The following FBXL17 variants were observed in gnomAD, a reference collection of about 807,000 sequenced individuals.
The protein encoded by FBXL17 is F-box/LRR-repeat protein 17.
Under a neutral mutation model 66.2 loss-of-function variants are expected in FBXL17, and 22 were observed. The ratio of observed to expected loss-of-function variants is 0.33; its 90% CI spans 0.24 to 0.47. FBXL17 has a LOEUF of 0.47. FBXL17 is among the 20% of genes least tolerant of loss of function. FBXL17 has a pLI of 1.00. For synonymous variants in FBXL17, 474 were observed against 400.5 expected, an observed-to-expected ratio of 1.18 and a Z score of -2.19; for missense variants, 878 against 948.2, an observed-to-expected ratio of 0.93 and a Z score of 0.97.
chr5:108,171,204 T>C (rs1213791483), intron 6 of FBXL17, among the ~76,000 whole-genome samples: 1 of 152,218 alleles, frequency 6.6e-6, no homozygotes, highest in African/African-American at 2.4e-5. Context: ...ATATTTATTT[T>C]ATTTAATACT....
chr5:107,987,461 G>A (rs1243619261), intron 7 of FBXL17, among the ~76,000 whole-genome samples: 2 of 151,910 alleles, frequency 1.3e-5, no homozygotes, highest in Non-Finnish European at 2.9e-5. Flanking sequence ...GAAACTTGTT[G>A]AGCTGGGTGC....
chr5:108,345,483 T>C (rs1747212378), intron 4 of FBXL17, among the ~76,000 whole-genome samples: 1 of 151,624 alleles, frequency 6.6e-6, no homozygotes. Flanking sequence ...TCCCCTTTTC[T>C]AAAGTTTATC....
chr5:108,060,603 A>G (rs1429707319), intron 6 of FBXL17, among the ~76,000 whole-genome samples: 2 of 152,148 alleles, frequency 1.3e-5, no homozygotes, highest in Non-Finnish European at 2.9e-5. Flanking sequence ...ATCTTCCTAA[A>G]GTCCCATTCA....
intron 4 of FBXL17, among the ~76,000 whole-genome samples, chr5:108,332,462 T>C (rs1760168105): frequency 6.6e-6 from 1 of 152,144 alleles, no homozygotes; most frequent in Non-Finnish European, 1.5e-5. Flanking sequence ...TTTAAACAAA[T>C]ATTCAGATTA....
intron 4 of FBXL17, among the ~76,000 whole-genome samples, chr5:108,280,021 AAG>A (rs1223927890): frequency 6.6e-6 from 1 of 152,128 alleles, no homozygotes; most frequent in Non-Finnish European, 1.5e-5. Flanking sequence ...CCTAAGGAAA[AAG>A]AGAGATCAAA....
At chr5:108,057,895 T>C (rs1561389671) in intron 6 of FBXL17, among the ~76,000 whole-genome samples, 1 of 152,220 alleles carries the variant, frequency 6.6e-6, no homozygotes. Context: ...TAATTACACA[T>C]CTGTTATTTC....
chr5:108,007,955 T>C (rs1455968795), intron 7 of FBXL17, among the ~76,000 whole-genome samples: 1 of 152,230 alleles, frequency 6.6e-6, no homozygotes, highest in Non-Finnish European at 1.5e-5. Flanking sequence ...TGTTTACATG[T>C]GCGGCACATA....
At chr5:108,182,459 G>A (rs894479843) in intron 6 of FBXL17, among the ~76,000 whole-genome samples, 2 of 152,038 alleles carry the variant, frequency 1.3e-5, no homozygotes, top group East Asian at 3.9e-4. Flanking sequence ...CTGCAAAGTG[G>A]GTTTTAATGT....
rs543888739 is a variant in FBXL17, at chr5:107,978,611, T to G, written c.1822+42314A>C. Reference sequence around the variant, plus strand: ...TGGACCTACAACTTGTGATTCAATCTGTCTATGGCCCTGACCCAGAGGCTG... The same window carrying G: ...TGGACCTACAACTTGTGATTCAATCGGTCTATGGCCCTGACCCAGAGGCTG... On this transcript the variant is annotated intron_variant, in intron 7 of 8. Coordinates refer to ENST00000542267, the MANE Select transcript of FBXL17 (RefSeq NM_001163315.3). 8.5e-5 allele frequency among the ~76,000 whole-genome samples: 13 copies of G among 152,284 alleles called. No homozygotes were observed. The South Asian group carries it at 2.7e-3, about 32-fold the overall frequency.
intron 4 of FBXL17, among the ~76,000 whole-genome samples, chr5:108,327,325 GC>G (rs1191947916): frequency 3.3e-5 from 5 of 152,034 alleles, no homozygotes; most frequent in Non-Finnish European, 7.4e-5. Flanking sequence ...CAACCCTAAA[GC>G]CTGAACTACA....
chr5:108,107,229 G>A (rs538112624), intron 6 of FBXL17, among the ~76,000 whole-genome samples: 276 of 151,858 alleles, frequency 1.8e-3, no homozygotes, highest in African/African-American at 6.3e-3. Context: ...GTGCCACCAC[G>A]CCTGGCTAAG....
rs898999184 is a variant in FBXL17 at position 108,380,982 on chromosome 5, G to A, written c.710C>T (p.Ala237Val). The A allele has an allele frequency of 4.1e-6, 5 of 1,215,010 alleles. No homozygotes were observed. The highest frequency in any genetic ancestry group is 1.6e-5 in the African/African-American group (1 of 63,484). The allele number at this position is 1,215,010 out of a possible 1,614,324, so 75.3% of individuals were successfully genotyped here. A position where few individuals can be genotyped will look rare whatever the true frequency, so the allele number is the denominator to read the frequency against. Reference sequence around the variant, plus strand: ...GGCGTCGGGGGGCCGGGGCGGCGAAGCGCCTCCCCCCGCAGGCCCTCCCCC... The same window carrying A: ...GGCGTCGGGGGGCCGGGGCGGCGAAACGCCTCCCCCCGCAGGCCCTCCCCC... The part of the protein sequence containing the change: ...GGGGGPAGGG[A>V]SPPRPPDAGC... Residue 237 changes from alanine to valine, a missense_variant, in exon 1 of 9, where the codon GCT becomes GTT. By Grantham distance (64) the Ala-to-Val change is moderately conservative. Around this residue, in one of 4 missense-constraint regions of FBXL17, gnomAD observed 605 missense variants for 509.5 expected, o/e 1.19. Coordinates refer to ENST00000542267, the MANE Select transcript of FBXL17 (RefSeq NM_001163315.3).
chr5:107,963,562 A>T (rs1423711001), intron 7 of FBXL17, among the ~76,000 whole-genome samples: 1 of 152,122 alleles, frequency 6.6e-6, no homozygotes, highest in Non-Finnish European at 1.5e-5. Flanking sequence ...GTGCTAGTGA[A>T]CTTTTCTAAA....
At chr5:107,885,326 T>C (rs749775679) in intron 7 of FBXL17, among the ~76,000 whole-genome samples, 6 of 152,208 alleles carry the variant, frequency 3.9e-5, no homozygotes, top group Non-Finnish European at 8.8e-5. Flanking sequence ...GTCATTCCCA[T>C]AGACATACAA....
At chr5:107,960,854 AG>A (rs1751873657) in intron 7 of FBXL17, among the ~76,000 whole-genome samples, 1 of 152,186 alleles carries the variant, frequency 6.6e-6, no homozygotes, top group Non-Finnish European at 1.5e-5. Flanking sequence ...GATACAGGTA[AG>A]TCACAATCCA....
intron 4 of FBXL17, among the ~76,000 whole-genome samples, chr5:108,313,998 T>A (rs2150204173): frequency 6.6e-6 from 1 of 151,936 alleles, no homozygotes; most frequent in East Asian, 1.9e-4. Flanking sequence ...TGGGAGATAT[T>A]ATATTTGGTG....
intron 6 of FBXL17, among the ~76,000 whole-genome samples, chr5:108,126,163 T>C (rs1750688626): frequency 2.0e-5 from 3 of 152,070 alleles, no homozygotes; most frequent in African/African-American, 7.2e-5. Context: ...TAATAGCACA[T>C]GGCTTAACTA....
At chr5:108,353,267 C>A (rs189508834) in intron 3 of FBXL17, among the ~76,000 whole-genome samples, 1 of 152,298 alleles carries the variant, frequency 6.6e-6, no homozygotes, top group Non-Finnish European at 1.5e-5. Flanking sequence ...CAGAGACAGA[C>A]AGATGCAGAG....
chr5:108,157,204 G>C (rs1752028201), intron 6 of FBXL17, among the ~76,000 whole-genome samples: 1 of 147,742 alleles, frequency 6.8e-6, no homozygotes, highest in Non-Finnish European at 1.5e-5. Context: ...AACTAGGCTA[G>C]GGAAAACATA....
Sources: allele counts gnomAD v4.1 joint callset (sites outside exome capture counted in the v4.1 genomes callset), GRCh38; gene constraint gnomAD v4.1.1; regional missense constraint gnomAD v4.1.1; transcripts MANE v1.5; gene names NCBI Gene and HGNC (gene_info 2026-07-23, HGNC 2026-07-21).